Variants in PTPRM observed in about 807,000 individuals in gnomAD.
PTPRM encodes the protein receptor-type tyrosine-protein phosphatase mu.
PTPRM carries 47 observed loss-of-function variants against 186.7 expected under a neutral mutation model. That is an observed-to-expected ratio of 0.25 (90% CI 0.20 to 0.32). PTPRM has a LOEUF of 0.32. Among genes scored for constraint, PTPRM ranks in the 10% least tolerant of loss-of-function variants. The pLI is 1.00. For synonymous variants in PTPRM, 668 were observed against 674.9 expected (o/e 0.99, Z 0.16); for missense variants, 1,494 against 1,865.0 (o/e 0.80, Z 3.66).
chr18:8,353,461 T>C (rs144664499), intron 23 of PTPRM, among the ~76,000 whole-genome samples: 108 of 152,206 alleles, frequency 7.1e-4, no homozygotes, highest in African/African-American at 2.4e-3. Flanking sequence ...AGGTGAAAGA[T>C]GATGTGGGCT....
intron 23 of PTPRM, 133 bp downstream of exon 23, chr18:8,343,653 G>C: frequency 1.5e-6 from 1 of 658,594 alleles, no homozygotes; most frequent in Middle Eastern, 2.7e-4. Flanking sequence ...TCCTCCTATT[G>C]CTTGCTGCAC....
intron 2 of PTPRM, among the ~76,000 whole-genome samples, chr18:7,842,233 C>T (rs1429299131): frequency 1.3e-5 from 2 of 152,160 alleles, no homozygotes; most frequent in Non-Finnish European, 2.9e-5. Flanking sequence ...GTGATATGAA[C>T]AATTATGTGA....
chr18:8,252,340 G>A (rs746798352), intron 17 of PTPRM, 148 bp from the exon 18 acceptor site: 26 of 697,088 alleles, frequency 3.7e-5, no homozygotes, highest in Admixed American at 8.8e-5. Context: ...TTGAGGCTTC[G>A]CCCTCTGACC....
At chr18:8,106,942 C>T (rs1233633953) in intron 11 of PTPRM, among the ~76,000 whole-genome samples, 1 of 152,198 alleles carries the variant, frequency 6.6e-6, no homozygotes, top group East Asian at 1.9e-4. Flanking sequence ...TGGCCCAAAG[C>T]ACTGGAACTT....
intron 7 of PTPRM, among the ~76,000 whole-genome samples, chr18:7,988,032 A>T (rs2083061555): frequency 6.9e-6 from 1 of 145,844 alleles, no homozygotes; most frequent in Non-Finnish European, 1.5e-5. Context: ...AAAAAAAAAA[A>T]AAATTAACCA....
intron 20 of PTPRM, among the ~76,000 whole-genome samples, chr18:8,304,839 C>G (rs1180230425): frequency 1.2e-5 from 1 of 82,618 alleles, no homozygotes; most frequent in Non-Finnish European, 2.6e-5. Flanking sequence ...TTTTTTTTTG[C>G]TCTTTGTTTT....
In PTPRM at chr18:7,907,587, C is replaced by T. The variant is rs150807740; in HGVS notation, c.547+1004C>T. ...GCATCTTTGGCCTTAGGTGCAAAGCCCTGAGGGGGATAGTCAGGGTGAGCG... is the reference window on the plus strand; with the variant it reads ...GCATCTTTGGCCTTAGGTGCAAAGCTCTGAGGGGGATAGTCAGGGTGAGCG... On this transcript the variant is annotated intron_variant, in intron 4 of 32. Coordinates refer to ENST00000580170, the MANE Select transcript of PTPRM (RefSeq NM_001105244.2). Among the ~76,000 whole-genome samples, 782 of 152,196 alleles carry T rather than the reference C, an allele frequency of 5.1e-3. 3 individuals carry two copies. The highest frequency in any genetic ancestry group is 0.018 in the African/African-American group (735 of 41,514).
At position 8,010,614 on chromosome 18, in the gene PTPRM, A is replaced by G. The variant is rs144995387; in HGVS notation, c.1132+55200A>G. Among the ~76,000 whole-genome samples the G allele has an allele frequency of 2.3e-3, 357 of 152,276 alleles. 6 individuals are homozygous for G. The South Asian group carries it at 0.03, about 13-fold the overall frequency. ...GCCCAGGCTGGGTGGCAGCACAGGA[A>G]TGGGGGCAGGTGGGTTAAGGAGGAT... On this transcript the variant is annotated intron_variant, in intron 7 of 32. Transcript: ENST00000580170.
chr18:8,406,293 C>A lies in PTPRM; in HGVS notation c.*131C>A, dbSNP rs1568924914. The A allele has an allele frequency of 2.4e-6, 2 of 838,078 alleles. No individual in the cohort carries two copies. The highest frequency in any genetic ancestry group is 5.1e-5 in the East Asian group (2 of 39,010). 51.9% of individuals were successfully genotyped at this position (838,078 alleles called of 1,614,324 possible). ...TTGCATAATTGGCTCTTTTTAAGAG[C>A]CCAAGAAAGTGTTTCTAAAATTGCT... is the stretch of plus-strand genomic sequence containing the variant. On this transcript the variant is annotated 3_prime_UTR_variant, in exon 33 of 33. Coordinates refer to ENST00000580170, the MANE Select transcript of PTPRM (RefSeq NM_001105244.2).
At chr18:7,710,584 T>C (rs912847234) in intron 1 of PTPRM, among the ~76,000 whole-genome samples, 3 of 152,066 alleles carry the variant, frequency 2.0e-5, no homozygotes, top group Non-Finnish European at 2.9e-5. Context: ...AGCATCCCAA[T>C]TGGAAAAGAG....
intron 14 of PTPRM, among the ~76,000 whole-genome samples, chr18:8,211,377 C>CTTTTTTTTTTTTTTTTTTTTTTTTTTT (rs970926126): frequency 6.9e-5 from 6 of 87,232 alleles, no homozygotes; most frequent in South Asian, 4.8e-4. Context: ...GTCTCTTCTT[C>CTTTTTTTTTTTTTTTTTTTTTTTTTTT]TTTTTTTTTT....
chr18:7,682,151 T>C (rs765414827), intron 1 of PTPRM, among the ~76,000 whole-genome samples: 2 of 152,232 alleles, frequency 1.3e-5, no homozygotes, highest in African/African-American at 2.4e-5. Context: ...TCCAGTTCAG[T>C]TGGTCAGATT....
chr18:8,162,256 C>T (rs185238558), intron 14 of PTPRM, among the ~76,000 whole-genome samples: 8 of 152,168 alleles, frequency 5.3e-5, no homozygotes, highest in Admixed American at 1.3e-4. Context: ...CATGCCACCA[C>T]GCCCAGCTAA....
At chr18:7,951,715 G>A (rs543229606) in intron 6 of PTPRM, among the ~76,000 whole-genome samples, 11 of 152,020 alleles carry the variant, frequency 7.2e-5, no homozygotes, top group South Asian at 4.2e-4. Context: ...ATAATTTTAT[G>A]GCCATATTTT....
intron 1 of PTPRM, among the ~76,000 whole-genome samples, chr18:7,738,677 G>A (rs1440764360): frequency 2.0e-5 from 3 of 151,242 alleles, no homozygotes; most frequent in Non-Finnish European, 2.9e-5. Flanking sequence ...TCCTGACCTC[G>A]AGATCCACCC....
intron 23 of PTPRM, among the ~76,000 whole-genome samples, chr18:8,369,086 A>G (rs553709099): frequency 5.2e-4 from 79 of 152,330 alleles, no homozygotes; most frequent in Non-Finnish European, 1.1e-3. Context: ...GGAGGAGAAT[A>G]TTCTGAACAG....
chr18:8,136,746 C>A (rs768190881), intron 13 of PTPRM, among the ~76,000 whole-genome samples: 11 of 152,066 alleles, frequency 7.2e-5, no homozygotes, highest in Non-Finnish European at 1.6e-4. Context: ...AATGAAAAAT[C>A]TAGGAGGTGT....
intron 5 of PTPRM, among the ~76,000 whole-genome samples, chr18:7,933,952 C>T: frequency 6.6e-6 from 1 of 152,332 alleles, no homozygotes; most frequent in East Asian, 1.9e-4. Context: ...TATCATCTTT[C>T]CTAAATCTTC....
chr18:7,965,584 G>C (rs936510156), intron 7 of PTPRM, among the ~76,000 whole-genome samples: 1 of 152,182 alleles, frequency 6.6e-6, no homozygotes, highest in African/African-American at 2.4e-5. Flanking sequence ...TTGTGAGCCA[G>C]GCTTACCTTG....
Sources: gnomAD v4.1 joint callset for allele counts (sites outside exome capture counted in the v4.1 genomes callset) on GRCh38, gnomAD v4.1.1 for gene constraint, MANE v1.5 for transcripts, NCBI Gene and HGNC (gene_info 2026-07-23, HGNC 2026-07-21) for gene names.